The following COG3 variants were observed in gnomAD, a reference collection of about 807,000 sequenced individuals.
COG3 encodes the protein component of oligomeric golgi complex 3.
Under a neutral mutation model 114.1 loss-of-function variants are expected in COG3, and 32 were observed. That is an observed-to-expected ratio of 0.28 (90% confidence interval 0.21 to 0.38). The LOEUF (loss-of-function observed/expected upper bound fraction) is 0.38. Ranked by LOEUF, COG3 falls within the 10% of genes least tolerant of loss-of-function variation. The probability of loss-of-function intolerance (pLI) is 1.00; values close to 1 mark genes in which losing one functional copy is unlikely to be tolerated. For missense variants in COG3, 813 were observed against 973.2 expected, an observed-to-expected ratio of 0.84 and a Z score of 2.19; for synonymous variants, 352 against 365.7, an observed-to-expected ratio of 0.96 and a Z score of 0.43.
rs1872542508 is a variant in COG3, at chr13:45,525,010, G to A, written c.2189G>A (p.Gly730Asp). 1.9e-6 allele frequency: 3 copies of A among 1,613,674 alleles called. No homozygotes were observed. The highest frequency in any genetic ancestry group is 1.1e-5 in the South Asian group (1 of 91,054). ...SALKTMASQG[G>D]PKYTLSQQPW... The stretch of plus-strand genomic sequence containing the variant: ...TTAAAAACAATGGCCAGTCAGGGAG[G>A]CCCCAAGTATACTCTCTCACAGCAG... Residue 730 changes from glycine to aspartate, a missense_variant, in exon 20 of 23, where the codon GGC becomes GAC. Gly to Asp is a moderately conservative substitution (Grantham distance 94). Transcript: ENST00000349995.
intron 13 of COG3, among the ~76,000 whole-genome samples, chr13:45,498,808 T>A (rs1869144025): frequency 1.3e-5 from 2 of 151,480 alleles, no homozygotes; most frequent in African/African-American, 4.9e-5. Context: ...TCAAATTGTT[T>A]TGGCTATTTT....
intron 19 of COG3, among the ~76,000 whole-genome samples, chr13:45,522,838 A>G (rs1872304537): frequency 6.6e-6 from 1 of 152,204 alleles, no homozygotes; most frequent in Non-Finnish European, 1.5e-5. Context: ...ATTCCATTGT[A>G]CTAAATGTTG....
chr13:45,480,148 G>A lies in COG3; in HGVS notation c.407G>A (p.Gly136Glu), dbSNP rs780621011. Residue 136 changes from glycine to glutamate, a missense_variant, in exon 4 of 23, where the codon GGG becomes GAG. By Grantham distance (98) the Gly-to-Glu change is moderately conservative (BLOSUM62 -2). This residue lies in a region of COG3 where 424 missense variants were observed against 430.6 expected (regional missense o/e 0.98). Coordinates refer to ENST00000349995, the MANE Select transcript of COG3 (RefSeq NM_031431.4). ...AGACAGATGAGGGATTACTTGTCTG[G>A]GTTTCAGGAGCAGTGTGATGCTATA... ...KYRQMRDYLS[G>E]FQEQCDAILN... 2 of 1,611,130 alleles carry A rather than the reference G, an allele frequency of 1.2e-6. No homozygotes were observed. The highest frequency in any genetic ancestry group is 1.1e-5 in the South Asian group (1 of 90,582).
At chr13:45,491,561 T>C in intron 10 of COG3, 23 bp downstream of exon 10, 5 of 1,605,048 alleles carry the variant, frequency 3.1e-6, no homozygotes, top group Non-Finnish European at 4.2e-6. Flanking sequence ...TTGTTTTGGT[T>C]TAATGTTAAA....
Position 45,503,280 on chromosome 13 carries a change from G to C in COG3, c.1525G>C (p.Val509Leu). 6.2e-7 allele frequency: 1 copy of C among 1,604,968 alleles called. No individual in the cohort carries two copies. The highest frequency in any genetic ancestry group is 2.2e-5 in the East Asian group (1 of 44,856). ...GAGTTTGAAAGATGAACAGAAGAAG[G>C]TACCTTCAGAAGCTTCATTTTCAGA... is the stretch of plus-strand genomic sequence containing the variant. The part of the protein sequence containing the change: ...AQSLKDEQKK[V>L]PSEASFSDVH... Residue 509 changes from valine (V) to leucine (L), a missense_variant, in exon 14 of 23, where the codon GTA (valine) becomes CTA (leucine). Val to Leu is a conservative substitution (Grantham distance 32). Coordinates refer to ENST00000349995, the MANE Select transcript of COG3 (RefSeq NM_031431.4).
At chr13:45,526,759 A>G (rs1872738225) in intron 20 of COG3, among the ~76,000 whole-genome samples, 1 of 152,250 alleles carries the variant, frequency 6.6e-6, no homozygotes, top group Non-Finnish European at 1.5e-5. Context: ...ATACAGTAGT[A>G]CATTCTGTCA....
intron 15 of COG3, among the ~76,000 whole-genome samples, 196 bp downstream of exon 15, chr13:45,510,012 G>T (rs1056525902): frequency 6.6e-6 from 1 of 152,146 alleles, no homozygotes; most frequent in Non-Finnish European, 1.5e-5. Context: ...TCAGTAATGG[G>T]CTTTGGGGAG....
chr13:45,474,329 T>C (rs956601488), intron 1 of COG3, among the ~76,000 whole-genome samples: 6 of 151,870 alleles, frequency 4.0e-5, no homozygotes, highest in African/African-American at 1.5e-4. Flanking sequence ...GGCTAATTTT[T>C]TTTTGTGTGT....
intron 1 of COG3, among the ~76,000 whole-genome samples, chr13:45,475,368 T>C (rs2137785822): frequency 6.6e-6 from 1 of 152,060 alleles, no homozygotes; most frequent in Non-Finnish European, 1.5e-5. Flanking sequence ...AGCTAATTTT[T>C]TTTTTTGTAT....
chr13:45,486,367 A>AGAGGGG, intron 7 of COG3, 128 bp from the exon 8 acceptor site: 1 of 647,064 alleles, frequency 1.5e-6, no homozygotes, highest in East Asian at 2.6e-5. Flanking sequence ...AGGGAGAGGG[A>AGAGGGG]GACTCTCCCT....
At position 45,519,051 on chromosome 13, in the gene COG3, A is replaced by C; in HGVS notation, c.2111A>C (p.Gln704Pro). 1 of 1,614,218 alleles carries C rather than the reference A, an allele frequency of 6.2e-7. No homozygotes were observed. The highest frequency in any genetic ancestry group is 8.5e-7 in the Non-Finnish European group (1 of 1,180,028). ...GCCTGTGAGCAGTTTATTCAGCAGC[A>C]GACCAAGCTGTTTGTAGAACAGCTG... ...KSACEQFIQQQTKLFVEQLEE... is the reference protein window; with the variant it reads ...KSACEQFIQQPTKLFVEQLEE... Residue 704 changes from glutamine (Q) to proline (P), a missense_variant, in exon 19 of 23, where the codon CAG (glutamine) becomes CCG (proline). Around this residue, in one of 2 missense-constraint regions of COG3, gnomAD observed 389 missense variants for 542.6 expected, o/e 0.72. Transcript: ENST00000349995.
chr13:45,466,876 A>G (rs1885171558), intron 1 of COG3, among the ~76,000 whole-genome samples: 2 of 152,214 alleles, frequency 1.3e-5, no homozygotes, highest in African/African-American at 4.8e-5. Context: ...AGTCTTTAAC[A>G]TATGTTATGT....
intron 11 of COG3, 62 bp downstream of exon 11, chr13:45,492,312 A>G: frequency 3.3e-6 from 3 of 901,802 alleles, no homozygotes; most frequent in South Asian, 3.0e-5. Flanking sequence ...ACCATAATGA[A>G]TCAGTATATT....
intron 15 of COG3, 128 bp downstream of exon 15, chr13:45,509,944 C>G (rs1870672460): frequency 1.0e-6 from 1 of 975,250 alleles, no homozygotes; most frequent in Admixed American, 2.6e-5. Flanking sequence ...ATGGAAGTAA[C>G]TTGAGGTCAA....
Position 45,509,750 on chromosome 13 carries a change from T to C in COG3, c.1653T>C (p.His551=). The change falls in exon 15 of 23, where the codon CAT becomes CAC. Residue 551 remains histidine (H), a synonymous_variant. Transcript: ENST00000349995. ...PQTTISPADL[H]GMWYPTVRRT... ...CCACAATTTCTCCAGCAGATCTTCA[T>C]GGAATGTGGTATCCTACGGTTCGAA... The C allele has an allele frequency of 6.2e-7, 1 of 1,614,118 alleles. No homozygotes were observed.
chr13:45,513,461 T>TATACATATAAATTATATATATA lies in COG3; in HGVS notation c.1809+1611_1809+1632dup, dbSNP rs1871176021. On this transcript the variant is annotated intron_variant, in intron 16 of 22. Coordinates refer to ENST00000349995, the MANE Select transcript of COG3 (RefSeq NM_031431.4). ...ATACATATAAATTATATATATAATATATACATATAAATTATATATATAATA... is the reference window on the plus strand; with the variant it reads ...ATACATATAAATTATATATATAATATATACATATAAATTATATATATAATACATATAAATTATATATATAATA... Among the ~76,000 whole-genome samples the TATACATATAAATTATATATATA allele has an allele frequency of 2.7e-4, 20 of 73,664 alleles. 2 individuals carry two copies. Among genetic ancestry groups the TATACATATAAATTATATATATA allele is most frequent in the African/African-American group, 1.6e-3 (20 of 12,216 alleles). 48.3% of individuals were successfully genotyped at this position (73,664 alleles called of 152,430 possible).
chr13:45,470,553 A>G (rs577901609), intron 1 of COG3, among the ~76,000 whole-genome samples: 1 of 152,348 alleles, frequency 6.6e-6, no homozygotes, highest in South Asian at 2.1e-4. Context: ...AAAAGGTGAA[A>G]TAATGTAGAT....
At chr13:45,511,243 A>C (rs1323022128) in intron 15 of COG3, among the ~76,000 whole-genome samples, 1 of 151,540 alleles carries the variant, frequency 6.6e-6, no homozygotes, top group East Asian at 1.9e-4. Context: ...TATAATTTAG[A>C]TTTAGTCCTA....
intron 10 of COG3, among the ~76,000 whole-genome samples, chr13:45,491,751 CAAAT>C (rs1461870154): frequency 1.3e-5 from 2 of 152,060 alleles, no homozygotes; most frequent in Non-Finnish European, 2.9e-5. Context: ...AGAAGATTCA[CAAAT>C]AAATATTGTT....
Sources: allele counts gnomAD v4.1 joint callset (sites outside exome capture counted in the v4.1 genomes callset), GRCh38; gene constraint gnomAD v4.1.1; regional missense constraint gnomAD v4.1.1; transcripts MANE v1.5; gene names NCBI Gene and HGNC (gene_info 2026-07-23, HGNC 2026-07-21).